CAPN2: variants seen among roughly 807,000 people sequenced by gnomAD.
The protein encoded by CAPN2 is calpain 2.
In CAPN2, 92 loss-of-function variants were observed where a neutral mutation model predicts 102.3. The ratio of observed to expected loss-of-function variants is 0.90; its 90% CI spans 0.76 to 1.07. CAPN2 has a LOEUF of 1.07. CAPN2 is among the 50% of genes least tolerant of loss of function. The pLI is 0.00. For synonymous variants in CAPN2, 340 were observed against 355.4 expected (o/e 0.96, Z 0.49); for missense variants, 800 against 909.4 (o/e 0.88, Z 1.55).
At chr1:223,746,829 A>G (rs1056779174) in intron 4 of CAPN2, among the ~76,000 whole-genome samples, 168 bp from the exon 5 acceptor site, 1 of 152,152 alleles carries the variant, frequency 6.6e-6, no homozygotes, top group Non-Finnish European at 1.5e-5. Flanking sequence ...AACTGTGGAC[A>G]TTATACCTTG....
intron 6 of CAPN2, chr1:223,749,378 C>T: frequency 1.7e-6 from 1 of 580,166 alleles, no homozygotes; most frequent in Non-Finnish European, 3.1e-6. Flanking sequence ...TAGATGTTAC[C>T]CTGTTTTACA....
chr1:223,745,118 C>T (rs955771316), intron 3 of CAPN2, among the ~76,000 whole-genome samples, 188 bp from the exon 4 acceptor site: 12 of 151,592 alleles, frequency 7.9e-5, no homozygotes, highest in African/African-American at 2.4e-4. Context: ...GATGGACATG[C>T]GCCTCTGTCT....
rs972842553 is a variant in CAPN2, at chr1:223,754,673, A to T, written c.1136-807A>T. Among the ~76,000 whole-genome samples, 5 of 152,242 alleles carry T rather than the reference A, an allele frequency of 3.3e-5. No homozygotes were observed. The highest frequency in any genetic ancestry group is 3.3e-4 in the Admixed American group (5 of 15,286). ...AACATGAATGAATCTTAGATTTTTTAAATAAATAGGTTTTGGAAGTAAAGA... is the reference window on the plus strand; with the variant it reads ...AACATGAATGAATCTTAGATTTTTTTAATAAATAGGTTTTGGAAGTAAAGA... On this transcript the variant is annotated intron_variant, in intron 9 of 20. Transcript: ENST00000295006. This position sits in a 1 kb window ranked among gnomAD's most constrained non-coding sequence, Gnocchi z 4.7.
intron 2 of CAPN2, among the ~76,000 whole-genome samples, chr1:223,718,682 G>A (rs778790063): frequency 3.2e-4 from 48 of 152,190 alleles, no homozygotes; most frequent in Non-Finnish European, 1.0e-4. Context: ...GCCTCAGCTG[G>A]CTGGCTCCCC....
chr1:223,713,283 C>T (rs1189646542), intron 1 of CAPN2, among the ~76,000 whole-genome samples: 2 of 152,154 alleles, frequency 1.3e-5, no homozygotes, highest in South Asian at 2.1e-4. Context: ...GCAGCATCTA[C>T]CAGACAAAGT....
chr1:223,706,729 T>A, intron 1 of CAPN2, among the ~76,000 whole-genome samples: 1 of 152,152 alleles, frequency 6.6e-6, no homozygotes, highest in East Asian at 1.9e-4. Flanking sequence ...ATATGTCAAA[T>A]AAAAACTGAG....
intron 18 of CAPN2, 44 bp from the exon 19 acceptor site, chr1:223,771,765 A>T (rs774913090): frequency 1.7e-6 from 2 of 1,210,848 alleles, no homozygotes; most frequent in African/African-American, 3.0e-5. Context: ...TAAATGGAAC[A>T]ATCTAATGCT....
Position 223,771,905 on chromosome 1 carries a change from T to C in CAPN2, c.2000T>C (p.Val667Ala). The C allele has an allele frequency of 6.2e-7, 1 of 1,613,290 alleles. No homozygotes were observed. The highest frequency in any genetic ancestry group is 8.5e-7 in the Non-Finnish European group (1 of 1,179,186). The change falls in exon 19 of 21, where the codon GTT becomes GCT. Residue 667 changes from valine to alanine, a missense_variant. By Grantham distance (64) the Val-to-Ala change is moderately conservative (BLOSUM62 0). Transcript: ENST00000295006. ...TTTGATAATTTTGTTCGGTGTTTGGTTCGGCTGGAAACGCTATTCAGTAAG... is the reference window on the plus strand; with the variant it reads ...TTTGATAATTTTGTTCGGTGTTTGGCTCGGCTGGAAACGCTATTCAGTAAG... ...IDFDNFVRCL[V>A]RLETLFKIFK... is the part of the protein sequence containing the mutation.
At chr1:223,758,904 G>A (rs2102808914) in intron 11 of CAPN2, 1 of 313,838 alleles carries the variant, frequency 3.2e-6, no homozygotes, top group East Asian at 8.0e-5. Flanking sequence ...ACATTGCCCA[G>A]GCTGGTCTCA....
chr1:223,736,033 C>G (rs1660448050), intron 2 of CAPN2, among the ~76,000 whole-genome samples: 1 of 152,202 alleles, frequency 6.6e-6, no homozygotes, highest in Non-Finnish European at 1.5e-5. Flanking sequence ...CCACCTTGGT[C>G]TCCCAAAGTG....
At chr1:223,751,005 G>A in intron 7 of CAPN2, 30 bp downstream of exon 7, 1 of 1,520,722 alleles carries the variant, frequency 6.6e-7, no homozygotes, top group Non-Finnish European at 8.9e-7. Context: ...CGGGGCCCCA[G>A]GCGGGGGTGC....
chr1:223,755,755 G>A lies in CAPN2; in HGVS notation c.1305+106G>A, dbSNP rs1295374521. ...GAACTGGGGATGGGATCCCAGACCGGGAGCTTGGCCAAGGAAAAACAAAAC... is the reference window on the plus strand; with the variant it reads ...GAACTGGGGATGGGATCCCAGACCGAGAGCTTGGCCAAGGAAAAACAAAAC... On this transcript the variant is annotated intron_variant, in intron 10 of 20. Coordinates refer to ENST00000295006, the MANE Select transcript of CAPN2 (RefSeq NM_001748.5). This position sits in a 1 kb window ranked among gnomAD's most constrained non-coding sequence, Gnocchi z 4.1. 5.9e-6 allele frequency: 7 copies of A among 1,187,268 alleles called. No homozygotes were observed. In the Admixed American group the frequency reaches 1.8e-4, roughly 30 times the overall value. The allele number at this position is 1,187,268 out of a possible 1,614,324, so 73.5% of individuals were successfully genotyped here.
chr1:223,753,302 C>T (rs536767295), intron 9 of CAPN2, among the ~76,000 whole-genome samples: 2 of 152,320 alleles, frequency 1.3e-5, no homozygotes, highest in Admixed American at 6.5e-5. Flanking sequence ...TCCCACTTCA[C>T]GGCCATGAGC....
rs1281450406 is a variant in CAPN2 at position 223,759,433 on chromosome 1, A to G, written c.1481A>G (p.Asp494Gly). Residue 494 changes from aspartate (D) to glycine (G), a missense_variant, in exon 12 of 21, where the codon GAT becomes GGT. Transcript: ENST00000295006. This position sits in a 1 kb window ranked among gnomAD's most constrained non-coding sequence, Gnocchi z 4.6. ...CCTTCCACCTTCGAACCCAACAAGG[A>G]TGGGGATTTCTGCATCCGGGTCTTT... ...LVPSTFEPNK[D>G]GDFCIRVFSE... 3 of 1,614,116 alleles carry G rather than the reference A, an allele frequency of 1.9e-6. No individual in the cohort carries two copies. The East Asian group carries it at 6.7e-5, about 36-fold the overall frequency.
rs1660335729 is a variant in CAPN2 at position 223,731,551 on chromosome 1, A to T, written c.308-12549A>T. 6.6e-6 allele frequency among the ~76,000 whole-genome samples: 1 copy of T among 152,148 alleles called. No individual in the cohort carries two copies. The highest frequency in any genetic ancestry group is 1.9e-4 in the East Asian group (1 of 5,160). On this transcript the variant is annotated intron_variant, in intron 2 of 20. Coordinates refer to ENST00000295006, the MANE Select transcript of CAPN2 (RefSeq NM_001748.5). The surrounding 1 kb of genome is among the most constrained non-coding windows in gnomAD (Gnocchi z 4.2). The stretch of plus-strand genomic sequence containing the variant: ...ATGCTCACCACCATCATCCACAACC[A>T]GTTTCCACGTCTGTCTCCTGCCGGC...
chr1:223,770,806 G>A (rs1661453245), intron 18 of CAPN2: 1 of 263,420 alleles, frequency 3.8e-6, no homozygotes, highest in African/African-American at 2.2e-5. Flanking sequence ...CCTCCTCCAG[G>A]TGCTTCCTTT....
chr1:223,757,373 C>A lies in CAPN2; in HGVS notation c.1310C>A (p.Pro437Gln). Residue 437 changes from proline (P) to glutamine (Q), a missense_variant, in exon 11 of 21, where the codon CCA (proline) becomes CAA (glutamine). By Grantham distance (76) the Pro-to-Gln change is moderately conservative. Transcript: ENST00000295006. ...TGCATCTCCTTTATTTTGCAGGTTC[C>A]AGAGGAGGTACGTCTGGCCCATGTC... ...HTIGFGIYEV[P>Q]EELSGQTNIH... 1 of 1,614,160 alleles carries A rather than the reference C, an allele frequency of 6.2e-7. No individual in the cohort carries two copies. Among genetic ancestry groups the A allele is most frequent in the African/African-American group, 1.3e-5 (1 of 75,046 alleles).
chr1:223,752,979 G>A, intron 9 of CAPN2, 23 bp downstream of exon 9: 1 of 1,612,180 alleles, frequency 6.2e-7, no homozygotes, highest in South Asian at 1.1e-5. Context: ...GCATATAAGG[G>A]CTGTTGCAAT....
chr1:223,774,081 G>A (rs917990100), intron 20 of CAPN2, among the ~76,000 whole-genome samples: 13 of 151,916 alleles, frequency 8.6e-5, no homozygotes, highest in African/African-American at 2.9e-4. Flanking sequence ...ACTGTGACAC[G>A]AAACATGCCA....
Sources: gnomAD v4.1 joint callset for allele counts (sites outside exome capture counted in the v4.1 genomes callset) on GRCh38, gnomAD v4.1.1 for gene constraint, Gnocchi (gnomAD v3.1) non-coding constraint, MANE v1.5 for transcripts, NCBI Gene and HGNC (gene_info 2026-07-23, HGNC 2026-07-21) for gene names.